Variants in SYN3 observed in about 807,000 individuals in gnomAD.
The protein encoded by SYN3 is synapsin III.
Under a neutral mutation model 65.8 loss-of-function variants are expected in SYN3, and 35 were observed. That is an observed-to-expected ratio of 0.53 (90% CI 0.41 to 0.70). The LOEUF (loss-of-function observed/expected upper bound fraction) is 0.70. SYN3 is among the 30% of genes least tolerant of loss of function. The pLI is 0.00. For missense variants in SYN3, 680 were observed against 749.0 expected (o/e 0.91, Z 1.08); for synonymous variants, 270 against 292.9 (o/e 0.92, Z 0.80).
chr22:32,608,960 CTTCT>C (rs1180167980), intron 6 of SYN3, among the ~76,000 whole-genome samples: 7 of 152,068 alleles, frequency 4.6e-5, no homozygotes, highest in African/African-American at 1.4e-4. Flanking sequence ...TTTTTTTCTT[CTTCT>C]TTTTTTTAAA....
intron 2 of SYN3, among the ~76,000 whole-genome samples, chr22:33,001,025 T>C (rs953033303): frequency 6.6e-5 from 10 of 152,242 alleles, no homozygotes; most frequent in African/African-American, 2.4e-4. Context: ...GTGAAGAATC[T>C]AGGATGGAGT....
intron 7 of SYN3, among the ~76,000 whole-genome samples, chr22:32,546,600 G>T (rs977846460): frequency 6.6e-5 from 10 of 152,118 alleles, no homozygotes; most frequent in African/African-American, 2.2e-4. Context: ...GGGTAGTTGG[G>T]GTGAGAGGGC....
chr22:32,777,785 T>C (rs2045944557), intron 6 of SYN3, among the ~76,000 whole-genome samples: 1 of 152,216 alleles, frequency 6.6e-6, no homozygotes, highest in Non-Finnish European at 1.5e-5. Context: ...AGTATTTTCT[T>C]TGAATTAACT....
chr22:32,560,653 TG>T (rs989778190), intron 7 of SYN3, among the ~76,000 whole-genome samples: 5 of 151,696 alleles, frequency 3.3e-5, no homozygotes, highest in Non-Finnish European at 7.4e-5. Context: ...GTCAGAAAGA[TG>T]GGGAAGGGTC....
At chr22:33,047,617 GTGGGGTT>G (rs1437160006) in intron 1 of SYN3, among the ~76,000 whole-genome samples, 2 of 152,074 alleles carry the variant, frequency 1.3e-5, no homozygotes, top group Non-Finnish European at 2.9e-5. Flanking sequence ...GTAATGTCAT[GTGGGGTT>G]TCCTGAGGGC....
At chr22:32,545,416 G>A (rs2058322253) in intron 7 of SYN3, among the ~76,000 whole-genome samples, 1 of 152,232 alleles carries the variant, frequency 6.6e-6, no homozygotes, top group Non-Finnish European at 1.5e-5. Flanking sequence ...AGCAAAGGGA[G>A]AAAGCACAGA....
chr22:32,955,310 G>A (rs905526435), intron 3 of SYN3, among the ~76,000 whole-genome samples: 1 of 152,118 alleles, frequency 6.6e-6, no homozygotes, highest in Admixed American at 6.5e-5. Flanking sequence ...ATGCTGCAAA[G>A]AAAAATGAGG....
Position 32,513,787 on chromosome 22 carries a change from C to T in SYN3, c.1648G>A (p.Asp550Asn), listed in dbSNP as rs753573309. Residue 550 changes from aspartate to asparagine, a missense_variant, in exon 14 of 14, where the codon GAC becomes AAC. Transcript: ENST00000358763. ...CTTGGGGTCCCACGCTGGGAGGTGT[C>T]GGATGTGCTGAGGCTGTTAGTCAGG... is the stretch of plus-strand genomic sequence containing the variant. ...QSLTNSLSTS[D>N]TSQRGTPSED... 8.7e-6 allele frequency: 14 copies of T among 1,613,970 alleles called. No homozygotes were observed. The East Asian group carries it at 1.1e-4, about 13-fold the overall frequency.
At chr22:33,029,338 C>T (rs2053708377) in intron 1 of SYN3, among the ~76,000 whole-genome samples, 1 of 152,024 alleles carries the variant, frequency 6.6e-6, no homozygotes, top group Admixed American at 6.6e-5. Context: ...CCACCTCCAA[C>T]TTTTTTAATG....
chr22:32,605,939 A>G (rs973608387), intron 6 of SYN3, among the ~76,000 whole-genome samples: 2 of 152,204 alleles, frequency 1.3e-5, no homozygotes, highest in Non-Finnish European at 2.9e-5. Context: ...TCATGCCCCA[A>G]ATAGGAAGAT....
chr22:32,733,101 A>G (rs1044443286), intron 6 of SYN3, among the ~76,000 whole-genome samples: 7 of 152,210 alleles, frequency 4.6e-5, no homozygotes, highest in African/African-American at 1.7e-4. Flanking sequence ...GAATTGGCTG[A>G]TCCCTTTACA....
intron 1 of SYN3, among the ~76,000 whole-genome samples, chr22:33,045,459 CTTTTTTTTTTT>C (rs745442160): frequency 9.4e-5 from 8 of 84,724 alleles, no homozygotes; most frequent in Middle Eastern, 6.4e-3. Context: ...GCTCTACTTT[CTTTTTTTTTTT>C]TTTTTTTTTT....
intron 2 of SYN3, among the ~76,000 whole-genome samples, chr22:33,003,568 T>C (rs2053121144): frequency 6.6e-6 from 1 of 152,226 alleles, no homozygotes; most frequent in Admixed American, 6.5e-5. Context: ...CCTAGAGATC[T>C]GTGGAACTTT....
Position 32,977,652 on chromosome 22 carries a change from G to A in SYN3, c.369+2993C>T, listed in dbSNP as rs147249953. Among the ~76,000 whole-genome samples the A allele has an allele frequency of 5.2e-3, 782 of 151,388 alleles. 8 individuals carry two copies. Among genetic ancestry groups the A allele is most frequent in the African/African-American group, 0.018 (738 of 41,268 alleles). ...CCAGCTACTTGGGAGGCTGAGGCAG[G>A]AGAATTGCTTGAACCCGGGAGGCAG... is the stretch of plus-strand genomic sequence containing the variant. On this transcript the variant is annotated intron_variant, in intron 3 of 13. Transcript: ENST00000358763.
rs1323008584 is a variant in SYN3, at chr22:32,910,174, T to C, written c.461+21216A>G. ...TGTGGCACGTTTATTTTAAAATGAA[T>C]GGGTTAGGCTAGCCCACGTGTTTTT... On this transcript the variant is annotated intron_variant, in intron 4 of 13. Coordinates refer to ENST00000358763, the MANE Select transcript of SYN3 (RefSeq NM_003490.4). Among the ~76,000 whole-genome samples, 5 of 152,274 alleles carry C rather than the reference T, an allele frequency of 3.3e-5. No homozygotes were observed. In the East Asian group the frequency reaches 9.6e-4, roughly 29 times the overall value.
At chr22:32,769,926 G>C (rs1461641821) in intron 6 of SYN3, among the ~76,000 whole-genome samples, 1 of 152,044 alleles carries the variant, frequency 6.6e-6, no homozygotes, top group African/African-American at 2.4e-5. Context: ...TCCATGTGTT[G>C]ACAACTCCCA....
chr22:32,855,308 T>A (rs1049101676), intron 6 of SYN3, among the ~76,000 whole-genome samples: 2 of 152,190 alleles, frequency 1.3e-5, no homozygotes, highest in African/African-American at 4.8e-5. Context: ...TCTGTTACAT[T>A]CATTCACCCC....
intron 6 of SYN3, among the ~76,000 whole-genome samples, chr22:32,832,029 C>G (rs912928944): frequency 2.0e-5 from 3 of 152,160 alleles, no homozygotes; most frequent in African/African-American, 7.2e-5. Context: ...AAATGGGCCC[C>G]TCTCAGTTTG....
intron 7 of SYN3, among the ~76,000 whole-genome samples, chr22:32,589,714 C>T (rs954797047): frequency 6.6e-6 from 1 of 152,144 alleles, no homozygotes; most frequent in African/African-American, 2.4e-5. Flanking sequence ...TATGTAGAAT[C>T]GGTCTAATCT....
Sources: gnomAD v4.1 joint callset for allele counts (sites outside exome capture counted in the v4.1 genomes callset) on GRCh38, gnomAD v4.1.1 for gene constraint, MANE v1.5 for transcripts, NCBI Gene and HGNC (gene_info 2026-07-23, HGNC 2026-07-21) for gene names.